The following MUC5AC variants were observed in gnomAD, a reference collection of about 807,000 sequenced individuals.
MUC5AC encodes the protein mucin-5AC.
Under a neutral mutation model 169.7 loss-of-function variants are expected in MUC5AC, and 158 were observed. The ratio of observed to expected loss-of-function variants is 0.93; its 90% CI spans 0.82 to 1.06. The LOEUF is 1.06. MUC5AC is among the 50% of genes least tolerant of loss of function. MUC5AC has a pLI of 0.00. For missense variants in MUC5AC, 4,359 were observed against 3,089.9 expected (o/e 1.41, Z -9.74); for synonymous variants, 1,975 against 1,237.0 (o/e 1.60, Z -12.52).
chr11:1,193,698 C>T (rs2075841), intron 33 of MUC5AC, 39 bp downstream of exon 33: 197,364 of 752,040 alleles, frequency 0.26, 29,542 homozygotes, highest in African/African-American at 0.51. Context: ...GCAGCCGGGG[C>T]AGCCACTCCC....
rs1860929680 is a variant in MUC5AC, at chr11:1,185,857, C to T, written c.7712C>T (p.Thr2571Ile). 7 of 747,214 alleles carry T rather than the reference C, an allele frequency of 9.4e-6. No individual in the cohort carries two copies. Among genetic ancestry groups the T allele is most frequent in the Non-Finnish European group, 1.7e-5 (7 of 409,582 alleles). 46.3% of individuals were successfully genotyped at this position (747,214 alleles called of 1,614,324 possible). A position where few individuals can be genotyped will look rare whatever the true frequency, so the allele number is the denominator to read the frequency against. ...TTSTTSGPGT[T>I]PSPVPTTSTT... ...AGCACAACCTCTGGTCCTGGAACTA[C>T]TCCCAGCCCTGTTCCTACCACGAGC... The change falls in exon 31 of 49, where the codon ACT becomes ATT. Residue 2571 changes from threonine (T) to isoleucine (I), a missense_variant. By Grantham distance (89) the Thr-to-Ile change is moderately conservative (BLOSUM62 -1). Coordinates refer to ENST00000621226, the MANE Select transcript of MUC5AC (RefSeq NM_001304359.2).
Position 1,199,505 on chromosome 11 carries a change from C to T in MUC5AC, c.16515+15C>T, listed in dbSNP as rs1417040860. 2.8e-6 allele frequency: 2 copies of T among 704,932 alleles called. No individual in the cohort carries two copies. The highest frequency in any genetic ancestry group is 2.0e-5 in the Admixed American group (1 of 50,352). The allele number at this position is 704,932 out of a possible 1,614,324, so 43.7% of individuals were successfully genotyped here. The stretch of plus-strand genomic sequence containing the variant: ...GCTGTTCTCTGGTGAGGTCCAGGAT[C>T]CCCGCTCCAGCCAAGGGGGGCTTCA... On this transcript the variant is annotated intron_variant, in intron 46 of 48. Transcript: ENST00000621226.
chr11:1,185,603 T>G lies in MUC5AC; in HGVS notation c.7458T>G (p.Ser2486=), dbSNP rs1372011751. 1 of 729,980 alleles carries G rather than the reference T, an allele frequency of 1.4e-6. No homozygotes were observed. The highest frequency in any genetic ancestry group is 1.7e-5 in the African/African-American group (1 of 57,940). 45.2% of individuals were successfully genotyped at this position (729,980 alleles called of 1,614,324 possible). ...TTSAATTSTT[S]GPETTPRPVP... is the part of the protein sequence containing the mutation. The stretch of plus-strand genomic sequence containing the variant: ...CTGCCGCTACAACCAGCACAACCTC[T>G]GGTCCTGAAACTACTCCTAGACCTG... The change falls in exon 31 of 49, where the codon TCT becomes TCG. Residue 2486 remains serine (S), a synonymous_variant. Coordinates refer to ENST00000621226, the MANE Select transcript of MUC5AC (RefSeq NM_001304359.2).
Position 1,190,751 on chromosome 11 carries a change from C to T in MUC5AC, c.12606C>T (p.Thr4202=). Residue 4202 remains threonine, a synonymous_variant, in exon 31 of 49, where the codon ACC becomes ACT. Coordinates refer to ENST00000621226, the MANE Select transcript of MUC5AC (RefSeq NM_001304359.2). Reference sequence around the variant, plus strand: ...TCTCTTCCCCTACAAGCAGCACAACCTCCACTCCACAGACCAGCAAAACCT... The same window carrying T: ...TCTCTTCCCCTACAAGCAGCACAACTTCCACTCCACAGACCAGCAAAACCT... The part of the protein sequence containing the change: ...STISSPTSST[T]STPQTSKTSA... 4 of 704,220 alleles carry T rather than the reference C, an allele frequency of 5.7e-6. No individual in the cohort carries two copies. The highest frequency in any genetic ancestry group is 1.5e-5 in the South Asian group (1 of 67,628). 43.6% of individuals were successfully genotyped at this position (704,220 alleles called of 1,614,324 possible). A position where few individuals can be genotyped will look rare whatever the true frequency, so the allele number is the denominator to read the frequency against.
At position 1,184,841 on chromosome 11, in the gene MUC5AC, C is replaced by T; in HGVS notation, c.6696C>T (p.Thr2232=). Residue 2232 remains threonine (T), a synonymous_variant, in exon 31 of 49, where the codon ACC becomes ACT. Coordinates refer to ENST00000621226, the MANE Select transcript of MUC5AC (RefSeq NM_001304359.2). ...CCACACCTGTGACAGCTCCTAGCACCCCTAGTGGGAGAGCCACCAGCCCAA... is the reference window on the plus strand; with the variant it reads ...CCACACCTGTGACAGCTCCTAGCACTCCTAGTGGGAGAGCCACCAGCCCAA... ...VTSTPVTAPS[T]PSGRATSPTQ... 1 of 639,302 alleles carries T rather than the reference C, an allele frequency of 1.6e-6. No homozygotes were observed. The highest frequency in any genetic ancestry group is 2.8e-6 in the Non-Finnish European group (1 of 357,532). The allele number at this position is 639,302 out of a possible 1,614,324, so 39.6% of individuals were successfully genotyped here.
chr11:1,169,290 C>A (rs975268261), intron 15 of MUC5AC, among the ~76,000 whole-genome samples: 3 of 152,148 alleles, frequency 2.0e-5, no homozygotes, highest in Non-Finnish European at 4.4e-5. Flanking sequence ...CCTACCCCTG[C>A]ACAGGGTGGA....
At chr11:1,168,053 C>A in intron 12 of MUC5AC, 66 bp downstream of exon 12, 1 of 1,374,674 alleles carries the variant, frequency 7.3e-7, no homozygotes, top group Non-Finnish European at 1.0e-6. Context: ...TGCAAGTCAC[C>A]TCTGCCCAAG....
At position 1,176,673 on chromosome 11, in the gene MUC5AC, G is replaced by C; in HGVS notation, c.2654+8G>C. On this transcript the variant is annotated splice_region_variant and intron_variant, in intron 21 of 48. Coordinates refer to ENST00000621226, the MANE Select transcript of MUC5AC (RefSeq NM_001304359.2). ...GGTGGGCTGCAACACCTGGTATGCC[G>C]GGGGCTCAAAGCCCATGGGGGGTGT... The C allele has an allele frequency of 5.0e-6, 2 of 398,630 alleles. No individual in the cohort carries two copies. Among genetic ancestry groups the C allele is most frequent in the Non-Finnish European group, 8.8e-6 (2 of 226,054 alleles). The allele number at this position is 398,630 out of a possible 1,614,324, so 24.7% of individuals were successfully genotyped here.
At chr11:1,196,165 G>A (rs77688114) in intron 37 of MUC5AC, 111 bp downstream of exon 37, 357 of 625,580 alleles carry the variant, frequency 5.7e-4, no homozygotes, top group Non-Finnish European at 8.7e-4. Flanking sequence ...TGGAGGAGGA[G>A]GGGGCAGCCC....
Position 1,186,275 on chromosome 11 carries a change from T to C in MUC5AC, c.8130T>C (p.Ser2710=), listed in dbSNP as rs1294116482. ...CTGTTCCCACCACCAGCACAACCTC[T>C]GCTCCCACAACAAGCACAACCTCTG... The part of the protein sequence containing the change: ...PSPVPTTSTT[S]APTTSTTSAP... Residue 2710 remains serine (S), a synonymous_variant, in exon 31 of 49, where the codon TCT becomes TCC. Coordinates refer to ENST00000621226, the MANE Select transcript of MUC5AC (RefSeq NM_001304359.2). The C allele has an allele frequency of 8.1e-6, 6 of 737,864 alleles. No homozygotes were observed. The highest frequency in any genetic ancestry group is 1.5e-5 in the Non-Finnish European group (6 of 404,524). 45.7% of individuals were successfully genotyped at this position (737,864 alleles called of 1,614,324 possible).
intron 4 of MUC5AC, 128 bp from the exon 5 acceptor site, chr11:1,162,404 A>G (rs1295095808): frequency 7.7e-6 from 8 of 1,043,130 alleles, no homozygotes; most frequent in African/African-American, 1.6e-5. Flanking sequence ...CCAGAGGTCA[A>G]TGTCCCCATC....
In MUC5AC at chr11:1,184,602, A is replaced by G. The variant is rs1860886452; in HGVS notation, c.6457A>G (p.Ile2153Val). 65 of 620,052 alleles carry G rather than the reference A, an allele frequency of 1.0e-4. No individual in the cohort carries two copies. The South Asian group carries it at 1.2e-3, about 11-fold the overall frequency. The allele number at this position is 620,052 out of a possible 1,614,324, so 38.4% of individuals were successfully genotyped here. A position where few individuals can be genotyped will look rare whatever the true frequency, so the allele number is the denominator to read the frequency against. Residue 2153 changes from isoleucine (I) to valine (V), a missense_variant, in exon 31 of 49, where the codon ATC becomes GTC. Ile to Val is a conservative substitution (Grantham distance 29). Coordinates refer to ENST00000621226, the MANE Select transcript of MUC5AC (RefSeq NM_001304359.2). ...CAACATCATCAGGAGTGGGGAAAAA[A>G]TCTGCCGCCGACCTGAGGAGATCAC... The part of the protein sequence containing the change: ...YNNIIRSGEK[I>V]CRRPEEITRL...
chr11:1,199,803 T>G (rs1196668985), intron 47 of MUC5AC, 39 bp downstream of exon 47: 2 of 732,046 alleles, frequency 2.7e-6, no homozygotes, highest in Non-Finnish European at 5.0e-6. Flanking sequence ...GGCTCCACCC[T>G]CAGAGGTCTA....
chr11:1,191,953 C>G lies in MUC5AC; in HGVS notation c.13808C>G (p.Pro4603Arg). 1.3e-6 allele frequency: 1 copy of G among 765,222 alleles called. No individual in the cohort carries two copies. The highest frequency in any genetic ancestry group is 2.4e-6 in the Non-Finnish European group (1 of 417,900). 47.4% of individuals were successfully genotyped at this position (765,222 alleles called of 1,614,324 possible). A position where few individuals can be genotyped will look rare whatever the true frequency, so the allele number is the denominator to read the frequency against. ...PSPVPTTSTTPVSKTSTSHLS... is the reference protein window; with the variant it reads ...PSPVPTTSTTRVSKTSTSHLS... ...CCCGTTCCCACCACCAGCACAACCC[C>G]TGTTTCAAAGACCAGCACAAGCCAT... is the stretch of plus-strand genomic sequence containing the variant. The change falls in exon 31 of 49, where the codon CCT becomes CGT. Residue 4603 changes from proline (P) to arginine (R), a missense_variant. Transcript: ENST00000621226.
In MUC5AC at chr11:1,196,003, G is replaced by A. The variant is rs926709914; in HGVS notation, c.15586G>A (p.Ala5196Thr). 9 of 764,808 alleles carry A rather than the reference G, an allele frequency of 1.2e-5. No individual in the cohort carries two copies. Among genetic ancestry groups the A allele is most frequent in the African/African-American group, 1.0e-4 (6 of 59,146 alleles). The allele number at this position is 764,808 out of a possible 1,614,324, so 47.4% of individuals were successfully genotyped here. ...SSLELYAALC[A>T]SHDICIDWRG... Reference sequence around the variant, plus strand: ...CCTGGAGCTGTACGCGGCACTCTGTGCGTCCCACGACATCTGCATCGATTG... The same window carrying A: ...CCTGGAGCTGTACGCGGCACTCTGTACGTCCCACGACATCTGCATCGATTG... Residue 5196 changes from alanine (A) to threonine (T), a missense_variant, in exon 37 of 49, where the codon GCG becomes ACG. By Grantham distance (58) the Ala-to-Thr change is moderately conservative. Coordinates refer to ENST00000621226, the MANE Select transcript of MUC5AC (RefSeq NM_001304359.2).
At chr11:1,179,883 T>C (rs1860774343) in intron 26 of MUC5AC, 139 bp from the exon 27 acceptor site, 4 of 397,120 alleles carry the variant, frequency 1.0e-5, no homozygotes, top group East Asian at 7.1e-5. Flanking sequence ...GGTCCCGATC[T>C]GGCCCACCCT....
Position 1,162,436 on chromosome 11 carries a change from C to G in MUC5AC, c.474-96C>G, listed in dbSNP as rs369162365. ...CATCCCAGACGCGACTTCACGGTCA[C>G]GATGACCGTGTCACATTTGCGACCG... is the stretch of plus-strand genomic sequence containing the variant. On this transcript the variant is annotated intron_variant, in intron 4 of 48. Transcript: ENST00000621226. 175 of 1,176,558 alleles carry G rather than the reference C, an allele frequency of 1.5e-4. 1 individual carries two copies. The East Asian group carries it at 2.3e-3, about 15-fold the overall frequency. 72.9% of individuals were successfully genotyped at this position (1,176,558 alleles called of 1,614,324 possible).
rs1428065687 is a variant in MUC5AC at position 1,185,365 on chromosome 11, C to G, written c.7220C>G (p.Ala2407Gly). 2 of 719,766 alleles carry G rather than the reference C, an allele frequency of 2.8e-6. No homozygotes were observed. Among genetic ancestry groups the G allele is most frequent in the Non-Finnish European group, 5.1e-6 (2 of 394,846 alleles). The allele number at this position is 719,766 out of a possible 1,614,324, so 44.6% of individuals were successfully genotyped here. ...GTTCCTACCACCAGCACAACCTCTG[C>G]CACTACAACCAGCACAACCTCAGCT... is the stretch of plus-strand genomic sequence containing the variant. The part of the protein sequence containing the change: ...SPVPTTSTTS[A>G]TTTSTTSAPT... The change falls in exon 31 of 49, where the codon GCC becomes GGC. Residue 2407 changes from alanine to glycine, a missense_variant. Physicochemically the swap from Ala to Gly is moderately conservative, Grantham distance 60. Transcript: ENST00000621226.
At position 1,168,931 on chromosome 11, in the gene MUC5AC, C is replaced by A. The variant is rs776670781; in HGVS notation, c.1775C>A (p.Thr592Asn). The A allele has an allele frequency of 1.6e-4, 265 of 1,611,310 alleles. No homozygotes were observed. The highest frequency in any genetic ancestry group is 2.2e-4 in the Non-Finnish European group (257 of 1,179,180). Residue 592 changes from threonine to asparagine, a missense_variant, in exon 15 of 49, where the codon ACC becomes AAC. Physicochemically the swap from Thr to Asn is moderately conservative, Grantham distance 65 (BLOSUM62 0). Transcript: ENST00000621226. ...ACCCTCAGTGGGGTGGTGGAGGCCA[C>A]CGCTGCGGCCTTCTTCAACACCTTC... ...FRTLSGVVEATAAAFFNTFKT... is the reference protein window; with the variant it reads ...FRTLSGVVEANAAAFFNTFKT...
Sources: gnomAD v4.1 joint callset for allele counts (sites outside exome capture counted in the v4.1 genomes callset) on GRCh38, gnomAD v4.1.1 for gene constraint, MANE v1.5 for transcripts, NCBI Gene and HGNC (gene_info 2026-07-23, HGNC 2026-07-21) for gene names.